The following RPH3A variants were observed in gnomAD, a reference collection of about 807,000 sequenced individuals.
RPH3A encodes the protein rabphilin-3A.
In RPH3A, 48 loss-of-function variants were observed where a neutral mutation model predicts 102.2. The ratio of observed to expected loss-of-function variants is 0.47; its 90% CI spans 0.37 to 0.60. RPH3A has a LOEUF of 0.60. RPH3A is among the 20% of genes least tolerant of loss of function. RPH3A has a pLI of 0.00. For synonymous variants in RPH3A, 310 were observed against 324.3 expected (o/e 0.96, Z 0.47); for missense variants, 781 against 910.1 (o/e 0.86, Z 1.83).
intron 14 of RPH3A, among the ~76,000 whole-genome samples, chr12:112,880,389 C>A (rs146893900): frequency 6.6e-6 from 1 of 152,292 alleles, no homozygotes; most frequent in African/African-American, 2.4e-5. Context: ...AGTGCATATA[C>A]ATTATTTTGT....
intron 5 of RPH3A, among the ~76,000 whole-genome samples, chr12:112,856,483 CATGTGTGTGT>C (rs1025314875): frequency 5.8e-5 from 5 of 86,672 alleles, no homozygotes; most frequent in African/African-American, 3.2e-4. Context: ...CACACATGTG[CATGTGTGTGT>C]GTGTGTGTGT....
intron 1 of RPH3A, among the ~76,000 whole-genome samples, chr12:112,583,460 T>C (rs907090205): frequency 6.6e-6 from 1 of 151,918 alleles, no homozygotes; most frequent in Non-Finnish European, 1.5e-5. Context: ...CTTGCCCCCA[T>C]ATTTGCTCTC....
At chr12:112,596,469 C>A (rs753658586) in intron 1 of RPH3A, among the ~76,000 whole-genome samples, 5 of 152,212 alleles carry the variant, frequency 3.3e-5, no homozygotes, top group Non-Finnish European at 5.9e-5. Flanking sequence ...TTTATTCAAA[C>A]AACCATTATT....
chr12:112,861,463 G>A (rs901376791), intron 5 of RPH3A, among the ~76,000 whole-genome samples: 3 of 152,130 alleles, frequency 2.0e-5, no homozygotes, highest in East Asian at 1.9e-4. Flanking sequence ...CAGGGAAATC[G>A]AGCAGGGTGG....
intron 1 of RPH3A, among the ~76,000 whole-genome samples, chr12:112,728,668 G>T (rs2040612667): frequency 6.6e-6 from 1 of 152,132 alleles, no homozygotes; most frequent in African/African-American, 2.4e-5. Flanking sequence ...TCCCCCAAAA[G>T]ATGGGGTCTT....
chr12:112,705,178 A>T (rs1289673789), intron 1 of RPH3A, among the ~76,000 whole-genome samples: 2 of 152,206 alleles, frequency 1.3e-5, no homozygotes, highest in African/African-American at 4.8e-5. Context: ...AAAGGTAGGG[A>T]TCTGCTCCTT....
intron 2 of RPH3A, among the ~76,000 whole-genome samples, chr12:112,805,240 T>G (rs1273008741): frequency 6.6e-6 from 1 of 152,094 alleles, no homozygotes; most frequent in Non-Finnish European, 1.5e-5. Context: ...ATCTGAGAAA[T>G]TCAAATGTCT....
At chr12:112,876,939 C>A in intron 13 of RPH3A, 73 bp downstream of exon 13, 2 of 1,168,178 alleles carry the variant, frequency 1.7e-6, no homozygotes, top group Non-Finnish European at 2.4e-6. Flanking sequence ...ACAGGAACGG[C>A]TCAGGAACAG....
chr12:112,605,606 G>A (rs3825205), intron 1 of RPH3A, among the ~76,000 whole-genome samples: 1 of 151,966 alleles, frequency 6.6e-6, no homozygotes, highest in South Asian at 2.1e-4. Context: ...CTTTGCCCTT[G>A]TATTAAATAG....
intron 5 of RPH3A, among the ~76,000 whole-genome samples, chr12:112,855,912 AG>A (rs1565922125): frequency 4.6e-5 from 7 of 152,038 alleles, no homozygotes; most frequent in Non-Finnish European, 1.5e-5. Flanking sequence ...AGAGAGAGAA[AG>A]ACAGAAAGAC....
At chr12:112,713,448 T>G (rs753289270) in intron 1 of RPH3A, among the ~76,000 whole-genome samples, 2 of 152,148 alleles carry the variant, frequency 1.3e-5, no homozygotes, top group Non-Finnish European at 2.9e-5. Context: ...CAACAGTGTG[T>G]AGAAAAGAGA....
intron 1 of RPH3A, among the ~76,000 whole-genome samples, chr12:112,626,661 G>A (rs1478113172): frequency 7.2e-6 from 1 of 139,338 alleles, no homozygotes; most frequent in South Asian, 2.5e-4. Context: ...CGATTCCTCA[G>A]GGATCTAGAA....
rs1226450064 is a variant in RPH3A at position 112,833,713 on chromosome 12, C to A, written c.72-2778C>A. 1.3e-4 allele frequency among the ~76,000 whole-genome samples: 20 copies of A among 149,026 alleles called. 1 individual carries two copies. In the South Asian group the frequency reaches 3.4e-3, roughly 25 times the overall value. On this transcript the variant is annotated intron_variant, in intron 3 of 21. Transcript: ENST00000389385. ...TACACAATTAGGGTAATTTAAAGCA[C>A]AGTTTGATAATTTCATGTTTTTTTT... is the stretch of plus-strand genomic sequence containing the variant.
intron 1 of RPH3A, among the ~76,000 whole-genome samples, chr12:112,594,687 T>C (rs536510069): frequency 7.2e-5 from 11 of 152,362 alleles, no homozygotes; most frequent in African/African-American, 2.4e-4. Flanking sequence ...GGGGAATTTC[T>C]CTTTAGTTGC....
chr12:112,677,117 C>A (rs543852871), intron 1 of RPH3A, among the ~76,000 whole-genome samples: 1 of 152,238 alleles, frequency 6.6e-6, no homozygotes, highest in African/African-American at 2.4e-5. Flanking sequence ...AGTTGAGCAA[C>A]TGGAAAAAAA....
Position 112,847,737 on chromosome 12 carries a change from A to G in RPH3A, c.125A>G (p.Asp42Gly). 1 of 1,614,138 alleles carries G rather than the reference A, an allele frequency of 6.2e-7. No homozygotes were observed. Among genetic ancestry groups the G allele is most frequent in the Non-Finnish European group, 8.5e-7 (1 of 1,179,998 alleles). The change falls in exon 5 of 22, where the codon GAC becomes GGC. Residue 42 changes from aspartate (D) to glycine (G), a missense_variant. Asp to Gly is a moderately conservative substitution (Grantham distance 94). Transcript: ENST00000389385. ...TCCGTCCACCCCGGTGGTCAGCCTGACAGGCAGAGGAAGCAGGAAGAGCTG... is the reference window on the plus strand; with the variant it reads ...TCCGTCCACCCCGGTGGTCAGCCTGGCAGGCAGAGGAAGCAGGAAGAGCTG... ...GWSVHPGGQPDRQRKQEELTD... is the reference protein window; with the variant it reads ...GWSVHPGGQPGRQRKQEELTD...
chr12:112,584,543 G>T (rs751626008), intron 1 of RPH3A, among the ~76,000 whole-genome samples: 19 of 152,146 alleles, frequency 1.2e-4, no homozygotes, highest in Admixed American at 2.6e-4. Flanking sequence ...CAAACACAGG[G>T]GCCACCTCTG....
In RPH3A at chr12:112,879,148, C is replaced by T. The variant is rs2042860099; in HGVS notation, c.1201C>T (p.Leu401Phe). ...CCTGGGTGCCCTGGAATTCAGCCTT[C>T]TCTACGACCAGGACAACAGCTCCCT... ...TTLGALEFSLLYDQDNSSLQC... is the reference protein window; with the variant it reads ...TTLGALEFSLFYDQDNSSLQC... The change falls in exon 14 of 22, where the codon CTC (leucine) becomes TTC (phenylalanine). Residue 401 changes from leucine to phenylalanine, a missense_variant. Coordinates refer to ENST00000389385, the MANE Select transcript of RPH3A (RefSeq NM_001143854.2). 1 of 1,614,018 alleles carries T rather than the reference C, an allele frequency of 6.2e-7. No homozygotes were observed. Among genetic ancestry groups the T allele is most frequent in the African/African-American group, 1.3e-5 (1 of 74,936 alleles).
At chr12:112,741,508 T>C (rs1357689767) in intron 1 of RPH3A, among the ~76,000 whole-genome samples, 2 of 152,208 alleles carry the variant, frequency 1.3e-5, no homozygotes, top group African/African-American at 4.8e-5. Flanking sequence ...ACCGCTTTAA[T>C]GAGAGTTTGG....
Sources: allele counts gnomAD v4.1 joint callset (sites outside exome capture counted in the v4.1 genomes callset), GRCh38; gene constraint gnomAD v4.1.1; transcripts MANE v1.5; gene names NCBI Gene and HGNC (gene_info 2026-07-23, HGNC 2026-07-21).